The following AK8 variants were observed in gnomAD, a reference collection of about 807,000 sequenced individuals.
AK8 encodes adenylate kinase 8.
A neutral mutation model predicts 54.6 loss-of-function variants in AK8; 44 were observed. The observed-to-expected ratio is 0.81, with a 90% CI of 0.63 to 1.04. AK8 has a LOEUF of 1.04. Ranked by LOEUF, AK8 falls within the 50% of genes least tolerant of loss-of-function variation. The pLI, the probability that AK8 is intolerant of heterozygous loss-of-function variation, is 0.00. For missense variants in AK8, 555 were observed against 613.6 expected (o/e 0.90, Z 1.01); for synonymous variants, 239 against 245.6 (o/e 0.97, Z 0.25).
At chr9:132,816,943 A>T (rs968089709) in intron 9 of AK8, among the ~76,000 whole-genome samples, 2 of 152,136 alleles carry the variant, frequency 1.3e-5, no homozygotes, top group African/African-American at 4.8e-5. Flanking sequence ...AGTTCCAGAA[A>T]TCTCATAGGG....
At position 132,823,327 on chromosome 9, in the gene AK8, T is replaced by C. The variant is rs754119221; in HGVS notation, c.767A>G (p.Tyr256Cys). ...ATTAGTACGATGGTTGCTTTGGACATAGGTCAGAGCTGGAAAGAGAGGATA... is the reference window on the plus strand; with the variant it reads ...ATTAGTACGATGGTTGCTTTGGACACAGGTCAGAGCTGGAAAGAGAGGATA... ...CVDVFYQALT[Y>C]VQSNHRTNAP... The change falls in exon 9 of 13, where the codon TAT becomes TGT. Residue 256 changes from tyrosine (Y) to cysteine (C), a missense_variant. Physicochemically the swap from Tyr to Cys is radical, Grantham distance 194. Transcript: ENST00000298545. 18 of 1,613,874 alleles carry C rather than the reference T, an allele frequency of 1.1e-5. No individual in the cohort carries two copies. Among genetic ancestry groups the C allele is most frequent in the South Asian group, 3.3e-5 (3 of 91,064 alleles).
chr9:132,845,413 A>C (rs1842708461), intron 5 of AK8, among the ~76,000 whole-genome samples: 1 of 152,242 alleles, frequency 6.6e-6, no homozygotes. Context: ...TCCACACTGC[A>C]GGTGCACTAT....
intron 11 of AK8, among the ~76,000 whole-genome samples, chr9:132,729,228 TG>T (rs1445770086): frequency 6.6e-6 from 1 of 152,236 alleles, no homozygotes; most frequent in African/African-American, 2.4e-5. Flanking sequence ...GGGGTGATTT[TG>T]TTCCCCAGAA....
chr9:132,864,503 G>C (rs1843512742), intron 3 of AK8, among the ~76,000 whole-genome samples: 1 of 152,194 alleles, frequency 6.6e-6, no homozygotes, highest in African/African-American at 2.4e-5. Context: ...CACCTGACCA[G>C]CTAGCCCAGG....
intron 7 of AK8, chr9:132,827,383 G>C (rs1236829381): frequency 2.6e-6 from 1 of 382,492 alleles, no homozygotes; most frequent in Non-Finnish European, 4.8e-6. Flanking sequence ...CATTAGGTTG[G>C]TATTTTCATC....
chr9:132,745,895 T>C (rs1021583857), intron 11 of AK8, among the ~76,000 whole-genome samples: 3 of 152,004 alleles, frequency 2.0e-5, no homozygotes, highest in Admixed American at 2.0e-4. Context: ...TTGAAGTATG[T>C]TTGGAAGGAA....
chr9:132,805,283 T>C (rs2131217804), intron 10 of AK8, among the ~76,000 whole-genome samples: 1 of 152,108 alleles, frequency 6.6e-6, no homozygotes, highest in South Asian at 2.1e-4. Flanking sequence ...CAGGGTTGGG[T>C]TGGGTTTCTT....
intron 11 of AK8, among the ~76,000 whole-genome samples, chr9:132,751,105 C>T (rs373177968): frequency 2.0e-5 from 3 of 151,834 alleles, no homozygotes; most frequent in African/African-American, 4.8e-5. Flanking sequence ...GGTTTTATGC[C>T]GGGTGCCGTG....
chr9:132,784,230 C>T (rs985854714), intron 11 of AK8, among the ~76,000 whole-genome samples: 4 of 152,146 alleles, frequency 2.6e-5, no homozygotes, highest in African/African-American at 7.2e-5. Context: ...AAAAGAAACA[C>T]ATCCATAGGC....
intron 4 of AK8, among the ~76,000 whole-genome samples, chr9:132,857,836 C>T (rs1342184392): frequency 1.3e-5 from 2 of 152,230 alleles, no homozygotes; most frequent in Admixed American, 6.5e-5. Flanking sequence ...TACTCCTGAG[C>T]GCCCCCCGCT....
intron 4 of AK8, among the ~76,000 whole-genome samples, chr9:132,855,275 C>T (rs1470313381): frequency 2.0e-5 from 3 of 152,186 alleles, no homozygotes; most frequent in South Asian, 2.1e-4. Context: ...TGCTACTTCC[C>T]GTGCTCCATC....
intron 11 of AK8, among the ~76,000 whole-genome samples, chr9:132,783,089 T>A (rs1184909364): frequency 6.6e-6 from 1 of 152,232 alleles, no homozygotes; most frequent in Non-Finnish European, 1.5e-5. Flanking sequence ...AGTTAAGGAC[T>A]GTGTTGATAT....
rs115684560 is a variant in AK8, at chr9:132,765,658, C to A, written c.1121+26976G>T. Reference sequence around the variant, plus strand: ...AAAACAACAACAACAAAACCCTCAACGAACAATGTATAGAAGGAGTATATA... The same window carrying A: ...AAAACAACAACAACAAAACCCTCAAAGAACAATGTATAGAAGGAGTATATA... On this transcript the variant is annotated intron_variant, in intron 11 of 12. Coordinates refer to ENST00000298545, the MANE Select transcript of AK8 (RefSeq NM_152572.3). Among the ~76,000 whole-genome samples, 57 of 152,186 alleles carry A rather than the reference C, an allele frequency of 3.7e-4. No homozygotes were observed. In the South Asian group the frequency reaches 0.011, roughly 30 times the overall value.
At chr9:132,831,885 C>G (rs556713961) in intron 5 of AK8, among the ~76,000 whole-genome samples, 1 of 151,784 alleles carries the variant, frequency 6.6e-6, no homozygotes, top group Admixed American at 6.6e-5. Flanking sequence ...TGAGACCCCC[C>G]CACTCTACCG....
Position 132,752,124 on chromosome 9 carries a change from G to A in AK8, c.1122-24590C>T, listed in dbSNP as rs373591333. 1.3e-3 allele frequency among the ~76,000 whole-genome samples: 173 copies of A among 136,144 alleles called. 4 individuals are homozygous for A. The South Asian group carries it at 0.019, about 15-fold the overall frequency. 89.3% of individuals were successfully genotyped at this position (136,144 alleles called of 152,430 possible). A position where few individuals can be genotyped will look rare whatever the true frequency, so the allele number is the denominator to read the frequency against. On this transcript the variant is annotated intron_variant, in intron 11 of 12. Coordinates refer to ENST00000298545, the MANE Select transcript of AK8 (RefSeq NM_152572.3). Reference sequence around the variant, plus strand: ...CCCAAAGCACTGAGATTATAGGTGCGAGCCACCGTGCCCAGCCAAGACCTG... The same window carrying A: ...CCCAAAGCACTGAGATTATAGGTGCAAGCCACCGTGCCCAGCCAAGACCTG...
intron 5 of AK8, among the ~76,000 whole-genome samples, chr9:132,845,399 T>C (rs1842708204): frequency 6.6e-6 from 1 of 152,236 alleles, no homozygotes; most frequent in Non-Finnish European, 1.5e-5. Context: ...GGTCCTGTAC[T>C]CTGTCCACAC....
At chr9:132,806,609 T>G (rs368901671) in intron 10 of AK8, among the ~76,000 whole-genome samples, 1 of 152,228 alleles carries the variant, frequency 6.6e-6, no homozygotes. Flanking sequence ...AGATTTACTT[T>G]GTCTTTCAAC....
At chr9:132,749,499 C>T (rs1167669908) in intron 11 of AK8, among the ~76,000 whole-genome samples, 3 of 151,872 alleles carry the variant, frequency 2.0e-5, no homozygotes, top group African/African-American at 7.2e-5. Flanking sequence ...CCTCTCACTG[C>T]GTCTTCATGG....
intron 6 of AK8, among the ~76,000 whole-genome samples, chr9:132,828,337 GA>G (rs1841964340): frequency 6.6e-6 from 1 of 152,228 alleles, no homozygotes; most frequent in Non-Finnish European, 1.5e-5. Flanking sequence ...CCTCGTCACA[GA>G]TAACGCCACA....
Sources: gnomAD v4.1 joint callset for allele counts (sites outside exome capture counted in the v4.1 genomes callset) on GRCh38, gnomAD v4.1.1 for gene constraint, MANE v1.5 for transcripts, NCBI Gene and HGNC (gene_info 2026-07-23, HGNC 2026-07-21) for gene names.